BRD3: variants seen among roughly 807,000 people sequenced by gnomAD.
BRD3 encodes the protein bromodomain-containing protein 3.
Under a neutral mutation model 66.8 loss-of-function variants are expected in BRD3, and 17 were observed. That is an observed-to-expected ratio of 0.25 (90% CI 0.17 to 0.38). The LOEUF (loss-of-function observed/expected upper bound fraction) is 0.38, where lower values mean the gene tolerates loss of function less well. Ranked by LOEUF, BRD3 falls within the 10% of genes least tolerant of loss-of-function variation. The pLI is 1.00. For missense variants in BRD3, 713 were observed against 956.1 expected, an observed-to-expected ratio of 0.75 and a Z score of 3.35; for synonymous variants, 421 against 393.2, an observed-to-expected ratio of 1.07 and a Z score of -0.84.
chr9:134,042,307 T>C (rs1315242787), intron 7 of BRD3, among the ~76,000 whole-genome samples: 1 of 152,092 alleles, frequency 6.6e-6, no homozygotes, highest in Non-Finnish European at 1.5e-5. Context: ...AACAGTGTCT[T>C]CCCTTGAGCT....
At chr9:134,047,855 T>A (rs1588285920) in intron 6 of BRD3, 1 of 525,808 alleles carries the variant, frequency 1.9e-6, no homozygotes, top group East Asian at 3.3e-5. Context: ...TCGATGGGAA[T>A]AAACAACAAC....
chr9:134,041,679 T>C (rs892293151), intron 8 of BRD3, 81 bp downstream of exon 8: 30 of 1,503,788 alleles, frequency 2.0e-5, no homozygotes, highest in East Asian at 1.4e-4. Flanking sequence ...GAAGGAACCA[T>C]GCAAAGGGAC....
At chr9:134,051,877 GTTGTT>G (rs776679615) in intron 3 of BRD3, among the ~76,000 whole-genome samples, 168 bp from the exon 4 acceptor site, 1 of 92,746 alleles carries the variant, frequency 1.1e-5, no homozygotes, top group Non-Finnish European at 2.0e-5. Flanking sequence ...GTGTGTGTGT[GTTGTT>G]TTTTTTGTTT....
In BRD3 at chr9:134,042,446, G is replaced by A. The variant is rs1332083586; in HGVS notation, c.1216-495C>T. 4.6e-5 allele frequency among the ~76,000 whole-genome samples: 7 copies of A among 152,288 alleles called. No individual in the cohort carries two copies. In the East Asian group the frequency reaches 1.4e-3, roughly 29 times the overall value. On this transcript the variant is annotated intron_variant, in intron 7 of 11. Transcript: ENST00000303407. ...CCAAAAGTTGGCTTAAAAGGCCAAA[G>A]TCTAGTCCTATCCATACTTTATTTA... is the stretch of plus-strand genomic sequence containing the variant.
chr9:134,048,122 G>A lies in BRD3; in HGVS notation c.1047C>T (p.His349=), dbSNP rs199639352. 1.9e-5 allele frequency: 30 copies of A among 1,599,186 alleles called. No homozygotes were observed. The highest frequency in any genetic ancestry group is 1.3e-4 in the South Asian group (12 of 88,930). ...GGTCCATCGGGTGCTTGATGATGTC[G>A]TGGTAGTCGTGCAGCTCCAGGGCCT... The part of the protein sequence containing the change: ...DAEALELHDY[H]DIIKHPMDLS... The change falls in exon 6 of 12, where the codon CAC becomes CAT. Residue 349 remains histidine (H), a synonymous_variant. Transcript: ENST00000303407.
chr9:134,033,664 T>A lies in BRD3; in HGVS notation c.2107A>T (p.Ser703Cys). The A allele has an allele frequency of 1.3e-6, 1 of 767,296 alleles. No individual in the cohort carries two copies. The highest frequency in any genetic ancestry group is 2.4e-6 in the Non-Finnish European group (1 of 412,474). 47.5% of individuals were successfully genotyped at this position (767,296 alleles called of 1,614,324 possible). A position where few individuals can be genotyped will look rare whatever the true frequency, so the allele number is the denominator to read the frequency against. Residue 703 changes from serine to cysteine, a missense_variant, in exon 12 of 12, where the codon AGC becomes TGC. Physicochemically the swap from Ser to Cys is moderately radical, Grantham distance 112. Around this residue, in one of 5 missense-constraint regions of BRD3, gnomAD observed 42 missense variants for 29.2 expected, o/e 1.44. Coordinates refer to ENST00000303407, the MANE Select transcript of BRD3 (RefSeq NM_007371.4). This position sits in a 1 kb window ranked among gnomAD's most constrained non-coding sequence, Gnocchi z 5.1. ...CCAGACTCGGAGGAGCTGCTGCTGC[T>A]GAGCCTGGACGGGCCCCCTGAGGGT... ...SAPSGGPSRL[S>C]SSSSSESGSS...
rs1054657817 is a variant in BRD3, at chr9:134,033,319, C to A, written c.*271G>T. On this transcript the variant is annotated 3_prime_UTR_variant, in exon 12 of 12. Coordinates refer to ENST00000303407, the MANE Select transcript of BRD3 (RefSeq NM_007371.4). This position sits in a 1 kb window ranked among gnomAD's most constrained non-coding sequence, Gnocchi z 5.1. ...ATCTCACACGGTTTTCTGGGGTCAT[C>A]GGGTTAGCATTTGAAGTTGTCATCT... The A allele has an allele frequency of 2.3e-6, 1 of 435,942 alleles. No homozygotes were observed. The highest frequency in any genetic ancestry group is 4.0e-6 in the Non-Finnish European group (1 of 247,532). 27.0% of individuals were successfully genotyped at this position (435,942 alleles called of 1,614,324 possible).
In BRD3 at chr9:134,041,809, G is replaced by A. The variant is rs200549942; in HGVS notation, c.1358C>T (p.Ser453Leu). ...GGTGGCCCGCTCCTCCTCCGAGTCC[G>A]AGCTGCCTGAGTCCGAAGAGCTCTC... The part of the protein sequence containing the change: ...SEESSSDSGS[S>L]DSEEERATRL... Residue 453 changes from serine to leucine, a missense_variant, in exon 8 of 12, where the codon TCG becomes TTG. Ser to Leu is a moderately radical substitution (Grantham distance 145). Transcript: ENST00000303407. 9 of 1,612,650 alleles carry A rather than the reference G, an allele frequency of 5.6e-6. No homozygotes were observed. Among genetic ancestry groups the A allele is most frequent in the Admixed American group, 1.7e-5 (1 of 59,958 alleles).
In BRD3 at chr9:134,045,004, C is replaced by G. The variant is rs1830137873; in HGVS notation, c.1215+289G>C. ...AGAGAAAGAGCATCTGCCGTCCCAC[C>G]TGGTACACGCACCAGTCCCTGGAGG... On this transcript the variant is annotated intron_variant, in intron 7 of 11. Transcript: ENST00000303407. The surrounding 1 kb of genome is among the most constrained non-coding windows in gnomAD (Gnocchi z 4.8). Among the ~76,000 whole-genome samples the G allele has an allele frequency of 6.6e-6, 1 of 152,252 alleles. No individual in the cohort carries two copies. Among genetic ancestry groups the G allele is most frequent in the Admixed American group, 6.5e-5 (1 of 15,292 alleles).
intron 2 of BRD3, among the ~76,000 whole-genome samples, 156 bp from the exon 3 acceptor site, chr9:134,052,599 G>A (rs1397200184): frequency 6.6e-6 from 1 of 152,190 alleles, no homozygotes; most frequent in Non-Finnish European, 1.5e-5. Context: ...CTATGGTGAC[G>A]TGAGTACTTG....
At chr9:134,047,169 C>G (rs1830189733) in intron 6 of BRD3, among the ~76,000 whole-genome samples, 1 of 152,254 alleles carries the variant, frequency 6.6e-6, no homozygotes, top group South Asian at 2.1e-4. Context: ...TCCAGTCAAT[C>G]AAGGAAGAAA....
rs747888427 is a variant in BRD3 at position 134,040,140 on chromosome 9, C to T, written c.1537G>A (p.Val513Met). ...GCCTTCTTCTCTTCCTCGGCCTTCA[C>T]TTTGTGCTTCTCCTTCTCCTTCTCC... ...DKEKEKEKHK[V>M]KAEEEKKAKV... The change falls in exon 9 of 12, where the codon GTG becomes ATG. Residue 513 changes from valine (V) to methionine (M), a missense_variant. By Grantham distance (21) the Val-to-Met change is conservative. Coordinates refer to ENST00000303407, the MANE Select transcript of BRD3 (RefSeq NM_007371.4). The T allele has an allele frequency of 3.2e-6, 5 of 1,564,970 alleles. No homozygotes were observed. The highest frequency in any genetic ancestry group is 1.7e-4 in the Middle Eastern group (1 of 6,014).
At chr9:134,043,862 T>A (rs1392898150) in intron 7 of BRD3, among the ~76,000 whole-genome samples, 3 of 152,110 alleles carry the variant, frequency 2.0e-5, no homozygotes, top group African/African-American at 7.2e-5. Flanking sequence ...GACTCGTTTT[T>A]AAAATCTGTT....
intron 1 of BRD3, among the ~76,000 whole-genome samples, chr9:134,066,015 G>C (rs564269051): frequency 6.6e-6 from 1 of 152,238 alleles, no homozygotes; most frequent in East Asian, 1.9e-4. Flanking sequence ...ACTCACTTCC[G>C]AAGCAGGCGC....
At position 134,041,832 on chromosome 9, in the gene BRD3, C is replaced by G. The variant is rs767879067; in HGVS notation, c.1335G>C (p.Glu445Asp). Residue 445 changes from glutamate to aspartate, a missense_variant, in exon 8 of 12, where the codon GAG becomes GAC. By Grantham distance (45) the Glu-to-Asp change is conservative. Around this residue, in one of 5 missense-constraint regions of BRD3, gnomAD observed 418 missense variants for 609.3 expected, o/e 0.69. Transcript: ENST00000303407. ...CCGAGCTGCCTGAGTCCGAAGAGCTCTCCTCACTGCTACGGCTGCTCTCAG... is the reference window on the plus strand; with the variant it reads ...CCGAGCTGCCTGAGTCCGAAGAGCTGTCCTCACTGCTACGGCTGCTCTCAG... Reference protein sequence around the residue: ...KGAESSRSSEESSSDSGSSDS... With the variant: ...KGAESSRSSEDSSSDSGSSDS... 6.2e-7 allele frequency: 1 copy of G among 1,613,144 alleles called. No individual in the cohort carries two copies. Among genetic ancestry groups the G allele is most frequent in the Non-Finnish European group, 8.5e-7 (1 of 1,179,884 alleles).
At chr9:134,062,798 G>A (rs931059140) in intron 1 of BRD3, among the ~76,000 whole-genome samples, 3 of 152,194 alleles carry the variant, frequency 2.0e-5, no homozygotes, top group East Asian at 1.9e-4. Flanking sequence ...GGTCTCCCAC[G>A]GGTCTGGGAA....
At chr9:134,046,912 G>C (rs1418725706) in intron 6 of BRD3, among the ~76,000 whole-genome samples, 1 of 152,246 alleles carries the variant, frequency 6.6e-6, no homozygotes, top group Non-Finnish European at 1.5e-5. Flanking sequence ...CTGAGCTTGA[G>C]TCCAGCCCAA....
chr9:134,034,834 C>T lies in BRD3; in HGVS notation c.1937-5G>A, dbSNP rs200445063. Reference sequence around the variant, plus strand: ...CCTGTTTCTTCCCGCTTGCTGCTGTCGGGGAACAAATGGGCACTCAGACTG... The same window carrying T: ...CCTGTTTCTTCCCGCTTGCTGCTGTTGGGGAACAAATGGGCACTCAGACTG... On this transcript the variant is annotated splice_region_variant and splice_polypyrimidine_tract_variant and intron_variant, in intron 10 of 11. Coordinates refer to ENST00000303407, the MANE Select transcript of BRD3 (RefSeq NM_007371.4). The T allele has an allele frequency of 8.4e-5, 136 of 1,611,248 alleles. 1 individual carries two copies. In the African/African-American group the frequency reaches 1.3e-3, roughly 15 times the overall value.
At position 134,031,027 on chromosome 9, in the gene BRD3, AG is replaced by A; in HGVS notation, c.*2562del. The A allele has an allele frequency of 4.3e-6, 1 of 231,004 alleles. No homozygotes were observed. The highest frequency in any genetic ancestry group is 8.6e-6 in the Non-Finnish European group (1 of 116,626). The allele number at this position is 231,004 out of a possible 1,614,324, so 14.3% of individuals were successfully genotyped here. A position where few individuals can be genotyped will look rare whatever the true frequency, so the allele number is the denominator to read the frequency against. On this transcript the variant is annotated 3_prime_UTR_variant, in exon 12 of 12. Transcript: ENST00000303407. ...CCTCAGCCCGCCAGCAAGGGCGCTG[AG>A]GAAGTCATTAATCCTTCGAAACTCT...
Sources: allele counts gnomAD v4.1 joint callset (sites outside exome capture counted in the v4.1 genomes callset), GRCh38; gene constraint gnomAD v4.1.1; regional missense constraint gnomAD v4.1.1; non-coding constraint Gnocchi (gnomAD v3.1); transcripts MANE v1.5; gene names NCBI Gene and HGNC (gene_info 2026-07-23, HGNC 2026-07-21).